The following TEX26 variants were observed in gnomAD, a reference collection of about 807,000 sequenced individuals.
TEX26 encodes the protein testis-expressed protein 26.
In TEX26, 34 loss-of-function variants were observed where a neutral mutation model predicts 35.3. That is an observed-to-expected ratio of 0.96 (90% CI 0.73 to 1.28). The LOEUF (loss-of-function observed/expected upper bound fraction) is 1.28. Among genes scored for constraint, TEX26 ranks in the 50% most tolerant of loss-of-function variants. The pLI, the probability that TEX26 is intolerant of heterozygous loss-of-function variation, is 0.00. For missense variants in TEX26, 371 were observed against 330.1 expected (o/e 1.12, Z -0.96); for synonymous variants, 136 against 111.8 (o/e 1.22, Z -1.36).
At chr13:30,940,829 T>C (rs1043386648) in intron 2 of TEX26, among the ~76,000 whole-genome samples, 2 of 151,938 alleles carry the variant, frequency 1.3e-5, no homozygotes, top group African/African-American at 4.8e-5. Flanking sequence ...TCCCAGCTAC[T>C]CGGGAGGCAG....
chr13:30,959,051 G>C (rs749811323), intron 4 of TEX26, among the ~76,000 whole-genome samples: 20 of 152,192 alleles, frequency 1.3e-4, no homozygotes, highest in Admixed American at 2.6e-4. Context: ...TCTAGGATTT[G>C]AACCCAGGCA....
chr13:30,972,586 G>C (rs566573154), intron 6 of TEX26, among the ~76,000 whole-genome samples: 1 of 152,280 alleles, frequency 6.6e-6, no homozygotes, highest in Non-Finnish European at 1.5e-5. Context: ...GCATTGGTGG[G>C]AATATTAAAG....
At chr13:30,968,789 C>A in intron 5 of TEX26, 96 bp from the exon 6 acceptor site, 2 of 1,174,208 alleles carry the variant, frequency 1.7e-6, no homozygotes, top group Non-Finnish European at 2.4e-6. Context: ...CAAAGCTGGG[C>A]TGGGGGCTGT....
chr13:30,952,264 G>T lies in TEX26; in HGVS notation c.147-396G>T, dbSNP rs189426650. On this transcript the variant is annotated intron_variant, in intron 2 of 6. Coordinates refer to ENST00000380473, the MANE Select transcript of TEX26 (RefSeq NM_152325.3). ...GCCTAGATTCATTATTTCATTATGG[G>T]CTTGAAACTAGTGATATTTCAATTC... Among the ~76,000 whole-genome samples, 3 of 151,852 alleles carry T rather than the reference G, an allele frequency of 2.0e-5. No individual in the cohort carries two copies. The East Asian group carries it at 5.8e-4, about 29-fold the overall frequency.
chr13:30,953,394 C>A (rs1954004521), intron 3 of TEX26, among the ~76,000 whole-genome samples: 1 of 152,134 alleles, frequency 6.6e-6, no homozygotes, highest in South Asian at 2.1e-4. Context: ...TGAAGACTAC[C>A]CATGTAGCAT....
intron 2 of TEX26, among the ~76,000 whole-genome samples, chr13:30,946,220 T>C (rs1953704047): frequency 1.3e-5 from 2 of 151,938 alleles, no homozygotes; most frequent in South Asian, 4.1e-4. Context: ...AAAATTATTC[T>C]TCTACTTGTT....
chr13:30,940,906 C>G (rs2138187398), intron 2 of TEX26, among the ~76,000 whole-genome samples: 1 of 152,220 alleles, frequency 6.6e-6, no homozygotes, highest in East Asian at 1.9e-4. Flanking sequence ...CCACTGCACT[C>G]CAGCCTGTGT....
intron 6 of TEX26, among the ~76,000 whole-genome samples, chr13:30,971,265 G>C (rs1411612933): frequency 6.6e-6 from 1 of 152,236 alleles, no homozygotes; most frequent in South Asian, 2.1e-4. Flanking sequence ...TATCACAGCA[G>C]AGCTTTTGTG....
chr13:30,939,566 C>T, intron 1 of TEX26, 128 bp from the exon 2 acceptor site: 1 of 764,918 alleles, frequency 1.3e-6, no homozygotes, highest in Admixed American at 2.5e-5. Flanking sequence ...GGCCTTTATT[C>T]CTTAGACTCT....
intron 6 of TEX26, among the ~76,000 whole-genome samples, chr13:30,970,698 T>G (rs569534223): frequency 6.6e-6 from 1 of 152,352 alleles, no homozygotes; most frequent in East Asian, 1.9e-4. Context: ...GTCATTTCTC[T>G]GCCTTCATGG....
intron 4 of TEX26, among the ~76,000 whole-genome samples, chr13:30,961,051 T>G (rs927786855): frequency 2.1e-4 from 32 of 152,236 alleles, no homozygotes; most frequent in East Asian, 7.7e-4. Context: ...AATGCCATTA[T>G]TTGTGGATCA....
intron 2 of TEX26, among the ~76,000 whole-genome samples, chr13:30,940,292 G>C (rs1470322328): frequency 2.1e-5 from 3 of 143,886 alleles, no homozygotes; most frequent in Non-Finnish European, 3.0e-5. Flanking sequence ...CCTGAGCTGA[G>C]AGTAGTGGGA....
intron 3 of TEX26, among the ~76,000 whole-genome samples, chr13:30,955,507 A>G (rs1351200361): frequency 6.6e-6 from 1 of 152,206 alleles, no homozygotes; most frequent in Admixed American, 6.5e-5. Context: ...TCAAGAGAGA[A>G]CTTGAAAATT....
chr13:30,943,922 A>G (rs1953606805), intron 2 of TEX26, among the ~76,000 whole-genome samples: 1 of 151,314 alleles, frequency 6.6e-6, no homozygotes, highest in South Asian at 2.1e-4. Flanking sequence ...GTAGTTTTCT[A>G]CAGACCAGTA....
Position 30,934,844 on chromosome 13 carries a change from C to T in TEX26, c.61+2068C>T, listed in dbSNP as rs140219293. Among the ~76,000 whole-genome samples the T allele has an allele frequency of 2.3e-3, 351 of 152,344 alleles. 5 individuals are homozygous for T. Among genetic ancestry groups the T allele is most frequent in the African/African-American group, 8.2e-3 (339 of 41,586 alleles). Reference sequence around the variant, plus strand: ...GGCGAGGCTACAGCCACCCAAACTGCGGCTGTGGGTCTGAGCCTCCCTGTG... The same window carrying T: ...GGCGAGGCTACAGCCACCCAAACTGTGGCTGTGGGTCTGAGCCTCCCTGTG... On this transcript the variant is annotated intron_variant, in intron 1 of 6. Transcript: ENST00000380473.
chr13:30,970,168 AGTGTGTGTGTGTGT>A (rs57600535), intron 6 of TEX26, among the ~76,000 whole-genome samples: 4,265 of 146,498 alleles, frequency 0.029, 191 homozygotes, highest in African/African-American at 0.098. Flanking sequence ...GGTGTGTGTG[AGTGTGTGTGTGTGT>A]GTGTGTGTGT....
Position 30,957,023 on chromosome 13 carries a change from T to C in TEX26, c.463T>C (p.Ser155Pro). The change falls in exon 4 of 7, where the codon TCA becomes CCA. Residue 155 changes from serine (S) to proline (P), a missense_variant. Ser to Pro is a moderately conservative substitution (Grantham distance 74). Coordinates refer to ENST00000380473, the MANE Select transcript of TEX26 (RefSeq NM_152325.3). Reference sequence around the variant, plus strand: ...TACTAAGAGAGACTTTGTGGACAGATCAAAAGGTAAACACTTTTGTTTTTC... The same window carrying C: ...TACTAAGAGAGACTTTGTGGACAGACCAAAAGGTAAACACTTTTGTTTTTC... ...SLTKRDFVDRSKAQKIKKSSH... is the reference protein window; with the variant it reads ...SLTKRDFVDRPKAQKIKKSSH... 1.2e-6 allele frequency: 2 copies of C among 1,613,830 alleles called. No homozygotes were observed. Among genetic ancestry groups the C allele is most frequent in the East Asian group, 2.2e-5 (1 of 44,878 alleles).
chr13:30,962,950 G>A (rs1487910406), intron 4 of TEX26, among the ~76,000 whole-genome samples: 2 of 151,838 alleles, frequency 1.3e-5, no homozygotes, highest in Non-Finnish European at 2.9e-5. Context: ...AGCCTCCCGA[G>A]TAGCTGGGAC....
At position 30,974,131 on chromosome 13, in the gene TEX26, A is replaced by AAAAAT; in HGVS notation, c.809-714_809-713insAAATA. 1.2e-3 allele frequency among the ~76,000 whole-genome samples: 104 copies of AAAAAT among 84,400 alleles called. 1 individual carries two copies. Among genetic ancestry groups the AAAAAT allele is most frequent in the East Asian group, 5.0e-3 (16 of 3,186 alleles). The allele number at this position is 84,400 out of a possible 152,430, so 55.4% of individuals were successfully genotyped here. A position where few individuals can be genotyped will look rare whatever the true frequency, so the allele number is the denominator to read the frequency against. ...GTGAGCCTCCATCTAAAAAAAAAAA[A>AAAAAT]ATATATATATATATATATATATATA... is the stretch of plus-strand genomic sequence containing the variant. On this transcript the variant is annotated intron_variant, in intron 6 of 6. Coordinates refer to ENST00000380473, the MANE Select transcript of TEX26 (RefSeq NM_152325.3).
Sources: gnomAD v4.1 joint callset for allele counts (sites outside exome capture counted in the v4.1 genomes callset) on GRCh38, gnomAD v4.1.1 for gene constraint, MANE v1.5 for transcripts, NCBI Gene and HGNC (gene_info 2026-07-23, HGNC 2026-07-21) for gene names.